Variants in IMMP2L observed in about 807,000 individuals in gnomAD.
The protein encoded by IMMP2L is mitochondrial inner membrane protease subunit 2.
In IMMP2L, 18 loss-of-function variants were observed where a neutral mutation model predicts 19.3. The observed-to-expected ratio is 0.93, with a 90% CI of 0.64 to 1.38. The LOEUF (loss-of-function observed/expected upper bound fraction) is 1.38. Among genes scored for constraint, IMMP2L ranks in the 40% most tolerant of loss-of-function variants. IMMP2L has a pLI of 0.00. For synonymous variants in IMMP2L, 76 were observed against 73.0 expected (o/e 1.04, Z -0.21); for missense variants, 233 against 218.2 (o/e 1.07, Z -0.43).
chr7:111,274,459 T>C (rs368645780), intron 3 of IMMP2L, among the ~76,000 whole-genome samples: 1 of 152,308 alleles, frequency 6.6e-6, no homozygotes, highest in African/African-American at 2.4e-5. Context: ...GCCTCAATTT[T>C]AACACTTCTC....
At chr7:111,075,898 GA>G (rs1795366622) in intron 3 of IMMP2L, among the ~76,000 whole-genome samples, 1 of 151,870 alleles carries the variant, frequency 6.6e-6, no homozygotes, top group Non-Finnish European at 1.5e-5. Context: ...TGAACTATTA[GA>G]AAAAAACATA....
At chr7:111,274,368 T>C (rs1818796194) in intron 3 of IMMP2L, among the ~76,000 whole-genome samples, 1 of 152,210 alleles carries the variant, frequency 6.6e-6, no homozygotes, top group Non-Finnish European at 1.5e-5. Flanking sequence ...AAGAGAATCT[T>C]AATTATTTTA....
At chr7:111,124,284 T>A in intron 3 of IMMP2L, 1 of 1,614,008 alleles carries the variant, frequency 6.2e-7, no homozygotes, top group Non-Finnish European at 8.5e-7. Flanking sequence ...TAGTTGGCGC[T>A]GACTTGAAGT....
At chr7:111,343,793 G>A (rs1209062525) in intron 3 of IMMP2L, among the ~76,000 whole-genome samples, 2 of 152,120 alleles carry the variant, frequency 1.3e-5, no homozygotes, top group Non-Finnish European at 2.9e-5. Context: ...GGGTGAAACA[G>A]AAAGTAACCT....
At chr7:111,091,027 C>G (rs1011314883) in intron 3 of IMMP2L, 10 of 152,214 alleles carry the variant, frequency 6.6e-5, no homozygotes, top group African/African-American at 2.2e-4. Flanking sequence ...CAGACTGGAG[C>G]AGCTGCGAGT....
chr7:110,814,635 G>T lies in IMMP2L; in HGVS notation c.408+71958C>A, dbSNP rs888377510. 3.4e-5 allele frequency among the ~76,000 whole-genome samples: 5 copies of T among 149,152 alleles called. No individual in the cohort carries two copies. The Admixed American group carries it at 3.4e-4, about 10-fold the overall frequency. On this transcript the variant is annotated intron_variant, in intron 5 of 5. Transcript: ENST00000405709. ...CTATTTCTTTTATTTTACTTTAAGA[G>T]AAATGGACTTACTCTATCGCTCAGA... is the stretch of plus-strand genomic sequence containing the variant.
At chr7:111,034,738 A>C (rs189554097) in intron 3 of IMMP2L, among the ~76,000 whole-genome samples, 1 of 152,254 alleles carries the variant, frequency 6.6e-6, no homozygotes. Context: ...AGAACTGCAT[A>C]TTTACTTTAC....
At chr7:110,814,238 T>G (rs926675331) in intron 5 of IMMP2L, among the ~76,000 whole-genome samples, 1 of 151,944 alleles carries the variant, frequency 6.6e-6, no homozygotes, top group African/African-American at 2.4e-5. Flanking sequence ...ACAGGAATGG[T>G]GTATAATGTT....
At chr7:110,890,168 C>CT (rs1385431497) in intron 4 of IMMP2L, among the ~76,000 whole-genome samples, 4 of 152,154 alleles carry the variant, frequency 2.6e-5, no homozygotes, top group East Asian at 3.9e-4. Flanking sequence ...TACAATCAAT[C>CT]TTTTTTTTCT....
Position 111,410,819 on chromosome 7 carries a change from A to T in IMMP2L, c.239+76419T>A, listed in dbSNP as rs577522852. ...CTACAGAAAATATCAGTGAAGCTGG[A>T]AACATAGCAACATAAATTATTTTAA... On this transcript the variant is annotated intron_variant, in intron 3 of 5. Coordinates refer to ENST00000405709, the MANE Select transcript of IMMP2L (RefSeq NM_032549.4). Among the ~76,000 whole-genome samples the T allele has an allele frequency of 3.6e-4, 55 of 151,954 alleles. 1 individual carries two copies. Among genetic ancestry groups the T allele is most frequent in the African/African-American group, 1.3e-3 (52 of 41,306 alleles).
intron 1 of IMMP2L, among the ~76,000 whole-genome samples, chr7:111,524,342 G>GA (rs1038938878): frequency 7.9e-5 from 12 of 151,490 alleles, no homozygotes; most frequent in South Asian, 2.1e-4. Flanking sequence ...ATGTACATAG[G>GA]AAAAAAAATA....
intron 3 of IMMP2L, among the ~76,000 whole-genome samples, chr7:111,463,317 G>A (rs1278986199): frequency 1.3e-5 from 2 of 151,950 alleles, no homozygotes; most frequent in Non-Finnish European, 2.9e-5. Context: ...TTCTGGGGGG[G>A]ATCCAACTCA....
chr7:110,856,856 G>A (rs572092339), intron 5 of IMMP2L, among the ~76,000 whole-genome samples: 5 of 152,156 alleles, frequency 3.3e-5, no homozygotes, highest in African/African-American at 1.2e-4. Context: ...AACAGCAGTG[G>A]TCTTAAGAGG....
In IMMP2L at chr7:111,478,875, G is replaced by A. The variant is rs188691632; in HGVS notation, c.239+8363C>T. On this transcript the variant is annotated intron_variant, in intron 3 of 5. Transcript: ENST00000405709. The stretch of plus-strand genomic sequence containing the variant: ...TTTTTTATTAAATGCCAAGTGTTGC[G>A]TATAAAAAAATTATAGAAACTCTGC... Among the ~76,000 whole-genome samples the A allele has an allele frequency of 2.5e-3, 382 of 152,074 alleles. 3 individuals carry two copies. The highest frequency in any genetic ancestry group is 8.5e-3 in the African/African-American group (353 of 41,482).
At chr7:111,019,740 A>G (rs1340734001) in intron 3 of IMMP2L, among the ~76,000 whole-genome samples, 1 of 152,114 alleles carries the variant, frequency 6.6e-6, no homozygotes, top group Admixed American at 6.5e-5. Flanking sequence ...GTGCCTTTGG[A>G]AAGGACCCAC....
Position 111,123,397 on chromosome 7 carries a change from A to G in IMMP2L, c.240-159832T>C. ...TATCAGAATCAAAGACATGAACTTT[A>G]AGCCTCTTATCAATCTTCGCAGCCT... On this transcript the variant is annotated intron_variant, in intron 3 of 5. Transcript: ENST00000405709. This position sits in a 1 kb window ranked among gnomAD's most constrained non-coding sequence, Gnocchi z 6.4. The G allele has an allele frequency of 6.2e-7, 1 of 1,613,792 alleles. No individual in the cohort carries two copies. The highest frequency in any genetic ancestry group is 1.3e-5 in the African/African-American group (1 of 75,032).
intron 5 of IMMP2L, among the ~76,000 whole-genome samples, chr7:110,755,520 C>A (rs147244354): frequency 6.6e-6 from 1 of 152,054 alleles, no homozygotes; most frequent in Admixed American, 6.6e-5. Flanking sequence ...TATAGCATCA[C>A]GTATTTATAG....
intron 3 of IMMP2L, among the ~76,000 whole-genome samples, chr7:111,231,024 C>CTGTGTGTGTGTGTG (rs60629485): frequency 3.4e-5 from 5 of 146,998 alleles, no homozygotes; most frequent in African/African-American, 1.0e-4. Context: ...TAAGTAGTGG[C>CTGTGTGTGTGTGTG]TGTGTGTGTG....
intron 3 of IMMP2L, among the ~76,000 whole-genome samples, chr7:111,066,479 A>G (rs1299159647): frequency 6.6e-6 from 1 of 152,232 alleles, no homozygotes; most frequent in Non-Finnish European, 1.5e-5. Context: ...TAGGAGATGG[A>G]TGAAAGAAAT....
Sources: gnomAD v4.1 joint callset for allele counts (sites outside exome capture counted in the v4.1 genomes callset) on GRCh38, gnomAD v4.1.1 for gene constraint, Gnocchi (gnomAD v3.1) non-coding constraint, MANE v1.5 for transcripts, NCBI Gene and HGNC (gene_info 2026-07-23, HGNC 2026-07-21) for gene names.